The following NUDT21 variants were observed in gnomAD, a reference collection of about 807,000 sequenced individuals.
NUDT21 encodes the protein cleavage and polyadenylation specificity factor subunit 5.
A neutral mutation model predicts 29.8 loss-of-function variants in NUDT21; 5 were observed. The ratio of observed to expected loss-of-function variants is 0.17; its 90% confidence interval spans 0.09 to 0.35. The LOEUF is 0.35. Among genes scored for constraint, NUDT21 ranks in the 10% least tolerant of loss-of-function variants. The pLI is 1.00. For missense variants in NUDT21, 76 were observed against 276.0 expected, an observed-to-expected ratio of 0.28 and a Z score of 5.13; for synonymous variants, 113 against 98.5, an observed-to-expected ratio of 1.15 and a Z score of -0.87.
intron 3 of NUDT21, among the ~76,000 whole-genome samples, chr16:56,443,107 C>G (rs2143941187): frequency 6.6e-6 from 1 of 152,178 alleles, no homozygotes; most frequent in South Asian, 2.1e-4. Context: ...GTTGTGTACT[C>G]ACAAGGGAGA....
chr16:56,450,777 A>AC (rs1962295329), intron 1 of NUDT21, among the ~76,000 whole-genome samples: 1 of 152,260 alleles, frequency 6.6e-6, no homozygotes, highest in African/African-American at 2.4e-5. Context: ...GATTAAAAAA[A>AC]CACACATTTT....
At chr16:56,439,234 C>G (rs1962135636) in intron 4 of NUDT21, 1 of 160,340 alleles carries the variant, frequency 6.2e-6, no homozygotes, top group Admixed American at 6.1e-5. Flanking sequence ...TGCAATGGCA[C>G]AATCTCGGTT....
At chr16:56,438,618 C>T (rs1008956602) in intron 4 of NUDT21, among the ~76,000 whole-genome samples, 9 of 152,130 alleles carry the variant, frequency 5.9e-5, no homozygotes, top group Admixed American at 5.2e-4. Flanking sequence ...AGATTATATA[C>T]CGCCTATGAC....
chr16:56,438,611 T>A (rs1428917518), intron 4 of NUDT21, among the ~76,000 whole-genome samples: 4 of 152,132 alleles, frequency 2.6e-5, no homozygotes, highest in African/African-American at 4.8e-5. Context: ...CAGGTATAGA[T>A]TATATACCGC....
chr16:56,446,490 T>C (rs1019700360), intron 3 of NUDT21, 136 bp downstream of exon 3: 3 of 534,824 alleles, frequency 5.6e-6, no homozygotes, highest in African/African-American at 2.0e-5. Flanking sequence ...AAAATCAACA[T>C]TGTACTAACC....
intron 5 of NUDT21, 35 bp from the exon 6 acceptor site, chr16:56,434,480 T>A: frequency 8.4e-7 from 1 of 1,193,324 alleles, no homozygotes; most frequent in Non-Finnish European, 1.2e-6. Context: ...TATAAGTTAT[T>A]ATATAATCAC....
chr16:56,438,750 G>A (rs573767252), intron 4 of NUDT21, among the ~76,000 whole-genome samples: 39 of 151,378 alleles, frequency 2.6e-4, no homozygotes, highest in Admixed American at 9.2e-4. Flanking sequence ...GAATGCAATC[G>A]AAATGGAAAC....
intron 4 of NUDT21, among the ~76,000 whole-genome samples, chr16:56,436,277 G>C (rs1962103062): frequency 6.6e-6 from 1 of 152,080 alleles, no homozygotes; most frequent in South Asian, 2.1e-4. Context: ...GCCAAAAGGA[G>C]GTATTAGCAT....
intron 6 of NUDT21, among the ~76,000 whole-genome samples, chr16:56,434,034 G>A (rs1247281642): frequency 1.3e-5 from 2 of 152,180 alleles, no homozygotes; most frequent in Non-Finnish European, 2.9e-5. Flanking sequence ...TTTACACACT[G>A]TTGACTGCTA....
chr16:56,450,125 A>T (rs1392493059), intron 1 of NUDT21, among the ~76,000 whole-genome samples: 1 of 152,176 alleles, frequency 6.6e-6, no homozygotes, highest in Non-Finnish European at 1.5e-5. Context: ...GAAAACATCA[A>T]TACCACCAAA....
chr16:56,434,687 T>G (rs1962074853), intron 5 of NUDT21, 67 bp downstream of exon 5: 1 of 1,031,756 alleles, frequency 9.7e-7, no homozygotes, highest in Non-Finnish European at 1.5e-6. Context: ...AAAACACAAA[T>G]AGAGGTATCC....
intron 3 of NUDT21, among the ~76,000 whole-genome samples, chr16:56,445,109 G>A (rs113941871): frequency 7.9e-5 from 12 of 152,152 alleles, no homozygotes; most frequent in African/African-American, 2.7e-4. Flanking sequence ...GCTTAAACCC[G>A]GGAGGCGGAG....
At chr16:56,446,922 T>C in intron 2 of NUDT21, 1 of 370,494 alleles carries the variant, frequency 2.7e-6, no homozygotes, top group Non-Finnish European at 4.8e-6. Context: ...TATTTTTATT[T>C]TATTGTAGAT....
rs1338627521 is a variant in NUDT21 at position 56,430,293 on chromosome 16, A to T, written c.*2419T>A. 6.6e-6 allele frequency: 1 copy of T among 152,202 alleles called. No homozygotes were observed. The highest frequency in any genetic ancestry group is 1.9e-4 in the East Asian group (1 of 5,202). 9.4% of individuals were successfully genotyped at this position (152,202 alleles called of 1,614,324 possible). A position where few individuals can be genotyped will look rare whatever the true frequency, so the allele number is the denominator to read the frequency against. ...AAAGGGATAAGTCCATCCTAAATGT[A>T]ACTACAAACAATTGTATAAACCTTT... is the stretch of plus-strand genomic sequence containing the variant. On this transcript the variant is annotated 3_prime_UTR_variant, in exon 7 of 7. Transcript: ENST00000300291.
chr16:56,446,232 C>G (rs1479490762), intron 3 of NUDT21, among the ~76,000 whole-genome samples: 1 of 152,192 alleles, frequency 6.6e-6, no homozygotes, highest in African/African-American at 2.4e-5. Context: ...GAGGCCTACT[C>G]TTGAACAAAA....
At position 56,446,877 on chromosome 16, in the gene NUDT21, A is replaced by G; in HGVS notation, c.318-188T>C. 3 of 464,794 alleles carry G rather than the reference A, an allele frequency of 6.5e-6. No individual in the cohort carries two copies. In the South Asian group the frequency reaches 1.3e-4, roughly 20 times the overall value. The allele number at this position is 464,794 out of a possible 1,614,324, so 28.8% of individuals were successfully genotyped here. A position where few individuals can be genotyped will look rare whatever the true frequency, so the allele number is the denominator to read the frequency against. On this transcript the variant is annotated intron_variant, in intron 2 of 6. Transcript: ENST00000300291. ...TGTCAATTCCCCAGACTAACAGTAT[A>G]CAAACCCTAGGTTTTTTTCCTCTTC...
At chr16:56,444,937 A>G (rs916285967) in intron 3 of NUDT21, among the ~76,000 whole-genome samples, 24 of 152,166 alleles carry the variant, frequency 1.6e-4, no homozygotes, top group Admixed American at 8.5e-4. Context: ...TAATCCCAGC[A>G]CTTTGGAAGG....
At chr16:56,442,818 T>G (rs1962174568) in intron 3 of NUDT21, among the ~76,000 whole-genome samples, 2 of 152,202 alleles carry the variant, frequency 1.3e-5, no homozygotes, top group Non-Finnish European at 2.9e-5. Flanking sequence ...CATTCTATCT[T>G]TTTATCTTTT....
chr16:56,440,634 T>C (rs1467813737), intron 3 of NUDT21, among the ~76,000 whole-genome samples: 5 of 152,216 alleles, frequency 3.3e-5, no homozygotes, highest in Non-Finnish European at 5.9e-5. Context: ...AAAAGGGCCA[T>C]TCTCATCACG....
Sources: allele counts gnomAD v4.1 joint callset (sites outside exome capture counted in the v4.1 genomes callset), GRCh38; gene constraint gnomAD v4.1.1; transcripts MANE v1.5; gene names NCBI Gene and HGNC (gene_info 2026-07-23, HGNC 2026-07-21).